NALF1: variants seen among roughly 807,000 people sequenced by gnomAD.
NALF1 encodes NALCN channel auxiliary factor 1.
A neutral mutation model predicts 48.4 loss-of-function variants in NALF1; 3 were observed. The observed-to-expected ratio is 0.06, with a 90% confidence interval of 0.03 to 0.16. NALF1 has a LOEUF of 0.16. NALF1 is among the 10% of genes least tolerant of loss of function. NALF1 has a pLI of 1.00. For missense variants in NALF1, 526 were observed against 571.5 expected (o/e 0.92, Z 0.81); for synonymous variants, 262 against 245.7 (o/e 1.07, Z -0.62).
rs1215457317 is a variant in NALF1, at chr13:107,866,756, C to T, written c.-160G>A. 12 of 436,476 alleles carry T rather than the reference C, an allele frequency of 2.7e-5. No homozygotes were observed. The highest frequency in any genetic ancestry group is 4.2e-5 in the Non-Finnish European group (10 of 240,680). The allele number at this position is 436,476 out of a possible 1,614,324, so 27.0% of individuals were successfully genotyped here. On this transcript the variant is annotated 5_prime_UTR_variant, in exon 1 of 3. Coordinates refer to ENST00000375915, the MANE Select transcript of NALF1 (RefSeq NM_001080396.3). This position sits in a 1 kb window ranked among gnomAD's most constrained non-coding sequence, Gnocchi z 4.4. Reference sequence around the variant, plus strand: ...CTCTCTCTTCCCCTCTCCCTCTCTCCTCTCTCTCTCTCTCCCTCTCCCTCT... The same window carrying T: ...CTCTCTCTTCCCCTCTCCCTCTCTCTTCTCTCTCTCTCTCCCTCTCCCTCT...
rs192663451 is a variant in NALF1 at position 107,392,948 on chromosome 13, C to A, written c.916-182193G>T. On this transcript the variant is annotated intron_variant, in intron 1 of 2. Transcript: ENST00000375915. ...TGAGATTGCAAGAAGGATCTAACCA[C>A]AGTGGACATGGAGGAGTCAATGGTC... is the stretch of plus-strand genomic sequence containing the variant. Among the ~76,000 whole-genome samples, 7 of 152,194 alleles carry A rather than the reference C, an allele frequency of 4.6e-5. No homozygotes were observed. In the East Asian group the frequency reaches 1.4e-3, roughly 29 times the overall value.
chr13:107,383,958 CATGCATT>C (rs1225670620), intron 1 of NALF1, among the ~76,000 whole-genome samples: 1 of 152,162 alleles, frequency 6.6e-6, no homozygotes, highest in Non-Finnish European at 1.5e-5. Flanking sequence ...TTTAAAATGG[CATGCATT>C]AAGCCAGGTT....
intron 1 of NALF1, among the ~76,000 whole-genome samples, chr13:107,762,644 G>A (rs565913606): frequency 6.6e-6 from 1 of 152,188 alleles, no homozygotes; most frequent in African/African-American, 2.4e-5. Context: ...GGAAGTTTAG[G>A]AAATGGAATG....
chr13:107,652,291 T>G (rs2138468761), intron 1 of NALF1, among the ~76,000 whole-genome samples: 1 of 152,320 alleles, frequency 6.6e-6, no homozygotes, highest in South Asian at 2.1e-4. Context: ...CATTCTGGCC[T>G]TTGTTATTAA....
intron 1 of NALF1, among the ~76,000 whole-genome samples, chr13:107,261,725 C>T (rs1594094068): frequency 6.6e-6 from 1 of 152,238 alleles, no homozygotes; most frequent in South Asian, 2.1e-4. Context: ...GCAGAAGATA[C>T]AGAGAACAGG....
intron 1 of NALF1, among the ~76,000 whole-genome samples, chr13:107,771,055 G>T (rs1006294067): frequency 2.7e-5 from 4 of 148,978 alleles, no homozygotes; most frequent in Non-Finnish European, 5.9e-5. Context: ...AATTTCATTT[G>T]AAATTGTATG....
chr13:107,632,883 G>A (rs1448164322), intron 1 of NALF1, among the ~76,000 whole-genome samples: 2 of 144,770 alleles, frequency 1.4e-5, no homozygotes, highest in Non-Finnish European at 3.0e-5. Context: ...GGAAATGAAG[G>A]CAGAAATTTT....
At chr13:107,315,840 T>C (rs562506064) in intron 1 of NALF1, among the ~76,000 whole-genome samples, 9 of 150,458 alleles carry the variant, frequency 6.0e-5, no homozygotes, top group African/African-American at 1.9e-4. Context: ...CTCTTTCCAA[T>C]AAAAATGATA....
intron 1 of NALF1, among the ~76,000 whole-genome samples, chr13:107,673,859 G>T (rs1225075944): frequency 6.6e-6 from 1 of 151,270 alleles, no homozygotes; most frequent in African/African-American, 2.4e-5. Context: ...ATGAGGTGAG[G>T]GTCACAGAAG....
At chr13:107,474,641 T>C (rs1885151511) in intron 1 of NALF1, among the ~76,000 whole-genome samples, 1 of 152,234 alleles carries the variant, frequency 6.6e-6, no homozygotes, top group Non-Finnish European at 1.5e-5. Context: ...TATTGTGTTA[T>C]TCAATCAATG....
intron 1 of NALF1, among the ~76,000 whole-genome samples, chr13:107,558,591 G>A (rs201455264): frequency 6.6e-6 from 1 of 152,064 alleles, no homozygotes; most frequent in African/African-American, 2.4e-5. Flanking sequence ...GGTATGGCTT[G>A]AACTGGAATT....
chr13:107,634,116 C>A (rs878960109), intron 1 of NALF1, among the ~76,000 whole-genome samples: 2 of 151,872 alleles, frequency 1.3e-5, no homozygotes, highest in Non-Finnish European at 2.9e-5. Context: ...CAGGCTGATA[C>A]CAGGTAGAGA....
intron 1 of NALF1, among the ~76,000 whole-genome samples, chr13:107,524,985 A>C (rs1180567006): frequency 6.6e-6 from 1 of 152,078 alleles, no homozygotes; most frequent in East Asian, 1.9e-4. Context: ...AGACATAGAG[A>C]GCTTCCAAGC....
At chr13:107,659,414 G>C (rs1440575925) in intron 1 of NALF1, among the ~76,000 whole-genome samples, 9 of 151,910 alleles carry the variant, frequency 5.9e-5, no homozygotes, top group Admixed American at 5.9e-4. Flanking sequence ...CATTTAAAAA[G>C]TTTAGATCTA....
At chr13:107,805,416 G>A (rs1878748520) in intron 1 of NALF1, among the ~76,000 whole-genome samples, 1 of 152,008 alleles carries the variant, frequency 6.6e-6, no homozygotes, top group Non-Finnish European at 1.5e-5. Flanking sequence ...CTATGCTTAC[G>A]GAAGAAGCAT....
intron 2 of NALF1, among the ~76,000 whole-genome samples, chr13:107,191,670 A>ATTT (rs71204820): frequency 7.0e-6 from 1 of 142,010 alleles, no homozygotes. Context: ...AAAATTCTTA[A>ATTT]TTTTTTTTTT....
intron 2 of NALF1, among the ~76,000 whole-genome samples, chr13:107,198,224 G>GT (rs1315010186): frequency 6.6e-6 from 1 of 152,176 alleles, no homozygotes; most frequent in Admixed American, 6.5e-5. Flanking sequence ...CCTAACTGCA[G>GT]TTTCCTGAGC....
At chr13:107,483,166 C>A (rs1885279641) in intron 1 of NALF1, among the ~76,000 whole-genome samples, 1 of 152,146 alleles carries the variant, frequency 6.6e-6, no homozygotes, top group Admixed American at 6.6e-5. Flanking sequence ...AGGAAGAAAT[C>A]ACTATCCATA....
intron 1 of NALF1, among the ~76,000 whole-genome samples, chr13:107,227,605 G>C (rs991232990): frequency 6.6e-6 from 1 of 152,176 alleles, no homozygotes; most frequent in African/African-American, 2.4e-5. Flanking sequence ...TTTATGCCTT[G>C]ATAGACAAGA....
Sources: gnomAD v4.1 joint callset for allele counts (sites outside exome capture counted in the v4.1 genomes callset) on GRCh38, gnomAD v4.1.1 for gene constraint, Gnocchi (gnomAD v3.1) non-coding constraint, MANE v1.5 for transcripts, NCBI Gene and HGNC (gene_info 2026-07-23, HGNC 2026-07-21) for gene names.